CNTN3: variants seen among roughly 807,000 people sequenced by gnomAD.
CNTN3 encodes contactin 3.
In CNTN3, 60 loss-of-function variants were observed where a neutral mutation model predicts 119.1. The observed-to-expected ratio is 0.50, with a 90% CI of 0.41 to 0.62. CNTN3 has a LOEUF of 0.62. Among genes scored for constraint, CNTN3 ranks in the 20% least tolerant of loss-of-function variants. CNTN3 has a pLI of 0.00. For synonymous variants in CNTN3, 450 were observed against 438.7 expected, an observed-to-expected ratio of 1.03 and a Z score of -0.32; for missense variants, 1,101 against 1,242.4, an observed-to-expected ratio of 0.89 and a Z score of 1.71.
At chr3:74,346,996 G>A (rs1158455640) in intron 11 of CNTN3, among the ~76,000 whole-genome samples, 1 of 152,150 alleles carries the variant, frequency 6.6e-6, no homozygotes. Flanking sequence ...AGCTGTCCAA[G>A]AAAGAGTGAA....
intron 5 of CNTN3, among the ~76,000 whole-genome samples, chr3:74,408,057 T>C (rs918965859): frequency 5.3e-5 from 8 of 152,170 alleles, no homozygotes; most frequent in Non-Finnish European, 1.0e-4. Flanking sequence ...AGACAATCAT[T>C]GGCTTTCTGC....
chr3:74,344,507 G>C (rs1040458870), intron 11 of CNTN3, among the ~76,000 whole-genome samples: 2 of 135,174 alleles, frequency 1.5e-5, no homozygotes, highest in Admixed American at 8.4e-5. Flanking sequence ...CTCACTGCAA[G>C]CTCCGCCTCC....
intron 4 of CNTN3, among the ~76,000 whole-genome samples, chr3:74,452,561 G>C (rs1702179630): frequency 1.5e-5 from 2 of 133,084 alleles, no homozygotes; most frequent in Admixed American, 1.5e-4. Flanking sequence ...TGTTGAATAG[G>C]AGTGGTGAGA....
At chr3:74,335,133 T>A (rs1429173385) in intron 12 of CNTN3, among the ~76,000 whole-genome samples, 1 of 152,096 alleles carries the variant, frequency 6.6e-6, no homozygotes, top group African/African-American at 2.4e-5. Flanking sequence ...AATTAGGATA[T>A]TTGAACTTGT....
At chr3:74,506,118 C>G (rs1284937549) in intron 2 of CNTN3, among the ~76,000 whole-genome samples, 1 of 152,122 alleles carries the variant, frequency 6.6e-6, no homozygotes, top group Non-Finnish European at 1.5e-5. Context: ...TAAGGAAACA[C>G]AAAAATGTCC....
At chr3:74,413,303 G>C (rs1454328308) in intron 5 of CNTN3, among the ~76,000 whole-genome samples, 1 of 152,200 alleles carries the variant, frequency 6.6e-6, no homozygotes, top group Non-Finnish European at 1.5e-5. Context: ...ATGCCTCTGA[G>C]ACTTTGGAGT....
chr3:74,442,279 C>T (rs1444956158), intron 4 of CNTN3, among the ~76,000 whole-genome samples: 1 of 152,052 alleles, frequency 6.6e-6, no homozygotes, highest in Non-Finnish European at 1.5e-5. Context: ...CTAAATACCT[C>T]CAGTATCTTT....
intron 4 of CNTN3, among the ~76,000 whole-genome samples, chr3:74,471,787 G>A (rs1035250346): frequency 3.4e-4 from 51 of 152,192 alleles, no homozygotes; most frequent in African/African-American, 1.1e-3. Flanking sequence ...AAGATGGATC[G>A]TGGGGAAATG....
rs142888979 is a variant in CNTN3, at chr3:74,433,420, C to T, written c.359-8480G>A. 5.5e-3 allele frequency among the ~76,000 whole-genome samples: 838 copies of T among 152,234 alleles called. 17 individuals carry two copies. Among genetic ancestry groups the T allele is most frequent in the African/African-American group, 0.019 (804 of 41,532 alleles). ...TTTGCGAGATTTTAAAACAGGTGTG[C>T]ATTGTAAGTCTCCAAGCAGAGACTG... On this transcript the variant is annotated intron_variant, in intron 4 of 22. Coordinates refer to ENST00000263665, the MANE Select transcript of CNTN3 (RefSeq NM_020872.3).
chr3:74,414,078 C>T (rs953189504), intron 5 of CNTN3, among the ~76,000 whole-genome samples: 1 of 152,172 alleles, frequency 6.6e-6, no homozygotes, highest in African/African-American at 2.4e-5. Context: ...CAGTTGACTG[C>T]GAAGCACCCA....
chr3:74,509,630 A>C (rs1703328903), intron 2 of CNTN3, among the ~76,000 whole-genome samples: 2 of 152,070 alleles, frequency 1.3e-5, no homozygotes, highest in African/African-American at 4.8e-5. Context: ...TAATAATGGC[A>C]CAGATTATAA....
At chr3:74,376,016 A>G (rs548593641) in intron 5 of CNTN3, among the ~76,000 whole-genome samples, 6 of 152,216 alleles carry the variant, frequency 3.9e-5, no homozygotes, top group Admixed American at 3.9e-4. Flanking sequence ...AGGAGGTATG[A>G]CTACACCAGC....
chr3:74,447,539 G>A (rs941488799), intron 4 of CNTN3, among the ~76,000 whole-genome samples: 6 of 152,160 alleles, frequency 3.9e-5, no homozygotes, highest in Middle Eastern at 3.2e-3. Flanking sequence ...TTAAGTGAAC[G>A]AAGGGAAAGA....
At chr3:74,422,582 C>T (rs1381092035) in intron 5 of CNTN3, among the ~76,000 whole-genome samples, 1 of 152,174 alleles carries the variant, frequency 6.6e-6, no homozygotes, top group East Asian at 1.9e-4. Flanking sequence ...AAGACATGTT[C>T]ACTCTGTGCA....
intron 5 of CNTN3, among the ~76,000 whole-genome samples, chr3:74,421,001 A>G (rs1479873261): frequency 6.6e-6 from 1 of 152,166 alleles, no homozygotes; most frequent in Non-Finnish European, 1.5e-5. Context: ...TAGCATCTGC[A>G]GGCTCAGCTT....
At chr3:74,343,846 G>A (rs1299474206) in intron 11 of CNTN3, among the ~76,000 whole-genome samples, 2 of 152,176 alleles carry the variant, frequency 1.3e-5, no homozygotes, top group Admixed American at 1.3e-4. Context: ...ACATTCTCAG[G>A]TGATACTGGT....
intron 5 of CNTN3, among the ~76,000 whole-genome samples, chr3:74,381,283 C>G (rs1704617459): frequency 6.6e-6 from 1 of 151,722 alleles, no homozygotes; most frequent in African/African-American, 2.4e-5. Context: ...ATAAATTGCA[C>G]AATTAAAATA....
chr3:74,419,243 C>T (rs938620721), intron 5 of CNTN3, among the ~76,000 whole-genome samples: 2 of 152,144 alleles, frequency 1.3e-5, no homozygotes, highest in African/African-American at 2.4e-5. Context: ...CATCCAAAAA[C>T]ACTAGTCATG....
chr3:74,309,901 C>T (rs1702644325), intron 13 of CNTN3, among the ~76,000 whole-genome samples: 1 of 152,160 alleles, frequency 6.6e-6, no homozygotes, highest in Non-Finnish European at 1.5e-5. Context: ...ATTTCCTTGA[C>T]ATGACATTGC....
Sources: allele counts gnomAD v4.1 joint callset (sites outside exome capture counted in the v4.1 genomes callset), GRCh38; gene constraint gnomAD v4.1.1; transcripts MANE v1.5; gene names NCBI Gene and HGNC (gene_info 2026-07-23, HGNC 2026-07-21).